Variants in TRIM37 observed in about 807,000 individuals in gnomAD.
TRIM37 encodes tripartite motif containing 37, also known as E3 ubiquitin-protein ligase TRIM37.
TRIM37 carries 80 observed loss-of-function variants against 129.8 expected under a neutral mutation model. That is an observed-to-expected ratio of 0.62 (90% CI 0.51 to 0.74). The LOEUF (loss-of-function observed/expected upper bound fraction) is 0.74, where lower values mean the gene tolerates loss of function less well. Among genes scored for constraint, TRIM37 ranks in the 30% least tolerant of loss-of-function variants. TRIM37 has a pLI of 0.00. For synonymous variants in TRIM37, 389 were observed against 387.1 expected (o/e 1.00, Z -0.06); for missense variants, 1,054 against 1,176.5 (o/e 0.90, Z 1.52).
chr17:59,017,104 C>T lies in TRIM37; in HGVS notation c.2386+192G>A, dbSNP rs1298292148. Among the ~76,000 whole-genome samples the T allele has an allele frequency of 3.3e-5, 5 of 152,092 alleles. No homozygotes were observed. In the East Asian group the frequency reaches 5.8e-4, roughly 18 times the overall value. Reference sequence around the variant, plus strand: ...TCTCTTAAACCACCGGTCGAGGCCACGGTGAGCCAAGATCGCACCACTGCA... The same window carrying T: ...TCTCTTAAACCACCGGTCGAGGCCATGGTGAGCCAAGATCGCACCACTGCA... On this transcript the variant is annotated intron_variant, in intron 20 of 23. Coordinates refer to ENST00000262294, the MANE Select transcript of TRIM37 (RefSeq NM_015294.6).
intron 1 of TRIM37, among the ~76,000 whole-genome samples, chr17:59,104,909 T>C (rs1051621551): frequency 4.0e-5 from 6 of 151,590 alleles, no homozygotes; most frequent in African/African-American, 1.5e-4. Flanking sequence ...CTGGCCAAAA[T>C]GGTTAAACCC....
intron 13 of TRIM37, among the ~76,000 whole-genome samples, chr17:59,054,740 C>T (rs1304477500): frequency 2.0e-5 from 3 of 152,162 alleles, no homozygotes; most frequent in African/African-American, 7.2e-5. Context: ...TCTCGGTTCA[C>T]TGCAACCTCC....
chr17:59,055,173 C>A (rs952985896), intron 13 of TRIM37, among the ~76,000 whole-genome samples: 6 of 151,538 alleles, frequency 4.0e-5, no homozygotes, highest in Admixed American at 2.0e-4. Context: ...CCCATCTCTA[C>A]TAAAAGTACA....
chr17:59,039,806 T>C (rs759898364), intron 17 of TRIM37, among the ~76,000 whole-genome samples: 47 of 152,216 alleles, frequency 3.1e-4, no homozygotes, highest in Non-Finnish European at 5.9e-4. Context: ...TTATGTGCCA[T>C]GTTAACAAGT....
At chr17:59,070,424 C>T (rs1160035205) in intron 9 of TRIM37, among the ~76,000 whole-genome samples, 7 of 152,044 alleles carry the variant, frequency 4.6e-5, no homozygotes, top group East Asian at 3.9e-4. Context: ...TTCTATACTA[C>T]GGAAGATGGA....
rs927750157 is a variant in TRIM37 at position 59,101,695 on chromosome 17, T to TAC, written c.123+2596_123+2597dup. Reference sequence around the variant, plus strand: ...AAAAAAAAATATATATATATATATATACACACACACACACACACACACACA... The same window carrying TAC: ...AAAAAAAAATATATATATATATATATACACACACACACACACACACACACACA... On this transcript the variant is annotated intron_variant, in intron 2 of 23. Coordinates refer to ENST00000262294, the MANE Select transcript of TRIM37 (RefSeq NM_015294.6). Among the ~76,000 whole-genome samples the TAC allele has an allele frequency of 5.3e-3, 473 of 89,612 alleles. 5 individuals are homozygous for TAC. Among genetic ancestry groups the TAC allele is most frequent in the East Asian group, 0.039 (127 of 3,250 alleles). 58.8% of individuals were successfully genotyped at this position (89,612 alleles called of 152,430 possible). A position where few individuals can be genotyped will look rare whatever the true frequency, so the allele number is the denominator to read the frequency against.
intron 2 of TRIM37, among the ~76,000 whole-genome samples, chr17:59,101,057 A>AACTGTAC (rs953487162): frequency 3.3e-5 from 5 of 152,014 alleles, no homozygotes; most frequent in African/African-American, 1.2e-4. Flanking sequence ...CAAACAAAAA[A>AACTGTAC]ACTGTACACT....
chr17:59,089,182 A>AGATT (rs1364163957), intron 3 of TRIM37, among the ~76,000 whole-genome samples: 4 of 152,130 alleles, frequency 2.6e-5, no homozygotes, highest in African/African-American at 4.8e-5. Context: ...TGAGCCAGGG[A>AGATT]GATTGAGGCT....
chr17:59,102,086 C>T (rs951773749), intron 2 of TRIM37, among the ~76,000 whole-genome samples: 1 of 151,950 alleles, frequency 6.6e-6, no homozygotes, highest in Non-Finnish European at 1.5e-5. Context: ...GTTCAAGATG[C>T]TAGAAGGACA....
At chr17:58,997,986 A>G (rs1448239426), downstream of TRIM37, among the ~76,000 whole-genome samples, 3 of 152,254 alleles carry the variant, frequency 2.0e-5, no homozygotes, top group African/African-American at 7.2e-5. Context: ...AAAAGCAAAC[A>G]GGTCTGAACT....
intron 11 of TRIM37, among the ~76,000 whole-genome samples, chr17:59,061,919 T>G (rs945522226): frequency 1.3e-5 from 2 of 151,974 alleles, no homozygotes; most frequent in African/African-American, 4.8e-5. Context: ...AGGTTCGACA[T>G]GATAATCACT....
intron 2 of TRIM37, among the ~76,000 whole-genome samples, chr17:59,098,073 G>T (rs1178974298): frequency 6.6e-6 from 1 of 152,058 alleles, no homozygotes; most frequent in Non-Finnish European, 1.5e-5. Flanking sequence ...AAACAGTGTG[G>T]TACTACCATA....
chr17:59,018,260 G>A (rs559245854), intron 19 of TRIM37, among the ~76,000 whole-genome samples: 1 of 152,118 alleles, frequency 6.6e-6, no homozygotes, highest in Non-Finnish European at 1.5e-5. Flanking sequence ...GCTATTGCCA[G>A]AAGGCAGGGC....
chr17:59,031,076 G>C (rs17175663), intron 18 of TRIM37, among the ~76,000 whole-genome samples: 28,093 of 151,970 alleles, frequency 0.18, 2,781 homozygotes, highest in Non-Finnish European at 0.21. Flanking sequence ...TAAATAATCT[G>C]GGCTCCATGT....
In TRIM37 at chr17:59,041,888, T is replaced by C. The variant is rs765489389; in HGVS notation, c.1678A>G (p.Asn560Asp). The stretch of plus-strand genomic sequence containing the variant: ...TCCATGTTGTTATATTCCACATCAT[T>C]TTCTCCAGACCTAAGAATATACAAA... ...DIDEETMSGE[N>D]DVEYNNMELE... is the part of the protein sequence containing the mutation. Residue 560 changes from asparagine to aspartate, a missense_variant, in exon 17 of 24, where the codon AAT becomes GAT. Asn to Asp is a conservative substitution (Grantham distance 23). Around this residue, in one of 3 missense-constraint regions of TRIM37, gnomAD observed 752 missense variants for 870.8 expected, o/e 0.86. Coordinates refer to ENST00000262294, the MANE Select transcript of TRIM37 (RefSeq NM_015294.6). 1 of 1,612,652 alleles carries C rather than the reference T, an allele frequency of 6.2e-7. No individual in the cohort carries two copies.
intron 3 of TRIM37, 54 bp downstream of exon 3, chr17:59,091,246 C>A: frequency 1.4e-6 from 2 of 1,426,826 alleles, no homozygotes; most frequent in Non-Finnish European, 2.0e-6. Flanking sequence ...TCCCAAGGCA[C>A]ATTCTGATCT....
chr17:59,066,930 A>T (rs527598191), intron 9 of TRIM37, among the ~76,000 whole-genome samples: 1 of 152,362 alleles, frequency 6.6e-6, no homozygotes, highest in East Asian at 1.9e-4. Flanking sequence ...CACTGAATGA[A>T]TGTTTATAAA....
chr17:58,979,202 C>A (rs139811842), downstream of TRIM37, among the ~76,000 whole-genome samples: 1 of 151,976 alleles, frequency 6.6e-6, no homozygotes, highest in Non-Finnish European at 1.5e-5. Flanking sequence ...AGAAGTGGGG[C>A]GATGAGCAGA....
At chr17:59,070,583 A>C (rs1484989433) in intron 9 of TRIM37, among the ~76,000 whole-genome samples, 1 of 152,100 alleles carries the variant, frequency 6.6e-6, no homozygotes, top group Non-Finnish European at 1.5e-5. Flanking sequence ...GACCTTAAAA[A>C]GCTATGGAGT....
Sources: gnomAD v4.1 joint callset for allele counts (sites outside exome capture counted in the v4.1 genomes callset) on GRCh38, gnomAD v4.1.1 for gene constraint, gnomAD v4.1.1 regional missense constraint, MANE v1.5 for transcripts, NCBI Gene and HGNC (gene_info 2026-07-23, HGNC 2026-07-21) for gene names.